The following TMEM123 variants were observed in gnomAD, a reference collection of about 807,000 sequenced individuals.
TMEM123 encodes the protein transmembrane protein 123, also known as porimin.
TMEM123 carries 16 observed loss-of-function variants against 19.7 expected under a neutral mutation model. The ratio of observed to expected loss-of-function variants is 0.81; its 90% CI spans 0.55 to 1.23. The LOEUF is 1.23. Ranked by LOEUF, TMEM123 falls within the 50% of genes most tolerant of loss-of-function variation. The pLI is 0.00. For synonymous variants in TMEM123, 118 were observed against 99.4 expected, an observed-to-expected ratio of 1.19 and a Z score of -1.12; for missense variants, 313 against 257.8, an observed-to-expected ratio of 1.21 and a Z score of -1.47.
intron 2 of TMEM123, among the ~76,000 whole-genome samples, chr11:102,423,068 G>A (rs1170643931): frequency 6.6e-6 from 1 of 152,162 alleles, no homozygotes; most frequent in Non-Finnish European, 1.5e-5. Context: ...AGCTGCTAAA[G>A]GTGTGTATTT....
intron 2 of TMEM123, among the ~76,000 whole-genome samples, chr11:102,440,851 C>T (rs954173135): frequency 1.3e-5 from 2 of 152,102 alleles, no homozygotes; most frequent in Non-Finnish European, 1.5e-5. Context: ...TGGAGAAGAT[C>T]TACCAAGCAA....
intron 4 of TMEM123, among the ~76,000 whole-genome samples, chr11:102,399,710 C>G (rs749020001): frequency 7.2e-5 from 11 of 152,216 alleles, no homozygotes; most frequent in Non-Finnish European, 1.2e-4. Context: ...TGGCTCACGC[C>G]TGTAATCCCA....
intron 2 of TMEM123, among the ~76,000 whole-genome samples, chr11:102,418,856 C>T (rs190795531): frequency 6.6e-6 from 1 of 152,166 alleles, no homozygotes; most frequent in African/African-American, 2.4e-5. Flanking sequence ...ACATCCTTTG[C>T]AGCAACACGG....
At position 102,452,578 on chromosome 11, in the gene TMEM123, TC is replaced by T; in HGVS notation, c.45del (p.Thr16ArgfsTer5). ...ARGAWAALLL[G>X]TLQVLALLGA... is the part of the protein sequence containing the mutation. ...CCCAGCAGCGCTAGCACCTGCAGCGTCCCCAGGAGCAGCGCGGCCCAAGCAC... is the reference window on the plus strand; with the variant it reads ...CCCAGCAGCGCTAGCACCTGCAGCGTCCCAGGAGCAGCGCGGCCCAAGCAC... On this transcript the variant is annotated frameshift_variant, in exon 1 of 5. Coordinates refer to ENST00000398136, the MANE Select transcript of TMEM123 (RefSeq NM_052932.3). LOFTEE classifies it high-confidence loss of function. 2 of 1,572,262 alleles carry T rather than the reference TC, an allele frequency of 1.3e-6. No homozygotes were observed. Among genetic ancestry groups the T allele is most frequent in the Non-Finnish European group, 8.6e-7 (1 of 1,163,364 alleles).
chr11:102,409,874 A>C (rs1951988701), intron 2 of TMEM123, among the ~76,000 whole-genome samples: 2 of 151,938 alleles, frequency 1.3e-5, no homozygotes, highest in Admixed American at 1.3e-4. Context: ...CAAACAAACA[A>C]ACAAACTAGA....
intron 1 of TMEM123, chr11:102,452,172 C>A: frequency 4.8e-6 from 1 of 208,064 alleles, no homozygotes; most frequent in Admixed American, 5.9e-5. Flanking sequence ...TGTTTACAAA[C>A]GGAAGCCTTA....
At chr11:102,413,960 G>A (rs1952025000) in intron 2 of TMEM123, among the ~76,000 whole-genome samples, 2 of 152,112 alleles carry the variant, frequency 1.3e-5, no homozygotes, top group South Asian at 4.1e-4. Flanking sequence ...GGAACCTAAG[G>A]AATCCAGTAA....
intron 2 of TMEM123, among the ~76,000 whole-genome samples, chr11:102,422,367 G>C (rs548964270): frequency 2.6e-5 from 4 of 152,202 alleles, no homozygotes; most frequent in African/African-American, 7.2e-5. Flanking sequence ...CCAGTTACTC[G>C]GGAGGCTGAG....
intron 2 of TMEM123, among the ~76,000 whole-genome samples, chr11:102,434,439 G>T (rs559262836): frequency 2.0e-5 from 3 of 151,632 alleles, no homozygotes; most frequent in Admixed American, 2.0e-4. Context: ...TTTTAAATTG[G>T]ATTATTTATT....
chr11:102,445,710 C>T (rs1019391176), intron 2 of TMEM123, among the ~76,000 whole-genome samples: 6 of 152,118 alleles, frequency 3.9e-5, no homozygotes, highest in Non-Finnish European at 7.4e-5. Context: ...AAGCCAGGTC[C>T]AAGTGCTCAA....
intron 2 of TMEM123, among the ~76,000 whole-genome samples, chr11:102,416,151 G>A (rs1234950926): frequency 2.6e-5 from 4 of 152,216 alleles, no homozygotes; most frequent in African/African-American, 9.7e-5. Flanking sequence ...CCGACCTCAG[G>A]TGATCCACTC....
In TMEM123 at chr11:102,418,001, G is replaced by A. The variant is rs530103863; in HGVS notation, c.158-15795C>T. 2.7e-5 allele frequency among the ~76,000 whole-genome samples: 4 copies of A among 150,836 alleles called. No individual in the cohort carries two copies. The South Asian group carries it at 8.3e-4, about 31-fold the overall frequency. ...CCATATATGAAAATCAACTCAAGAT[G>A]AATTAAAAAGACTTAAATGTAAAAC... On this transcript the variant is annotated intron_variant, in intron 2 of 4. Coordinates refer to ENST00000398136, the MANE Select transcript of TMEM123 (RefSeq NM_052932.3).
In TMEM123 at chr11:102,452,600, A is replaced by G; in HGVS notation, c.24T>C (p.Ala8=). The change falls in exon 1 of 5, where the codon GCT becomes GCC. Residue 8 remains alanine, a synonymous_variant. Transcript: ENST00000398136. Reference sequence around the variant, plus strand: ...GCGTCCCCAGGAGCAGCGCGGCCCAAGCACCTCGCGCGCCGAGTCCCATTG... The same window carrying G: ...GCGTCCCCAGGAGCAGCGCGGCCCAGGCACCTCGCGCGCCGAGTCCCATTG... The part of the protein sequence containing the change: MGLGARG[A]WAALLLGTLQ... The G allele has an allele frequency of 6.4e-7, 1 of 1,561,716 alleles. No homozygotes were observed. Among genetic ancestry groups the G allele is most frequent in the Non-Finnish European group, 8.6e-7 (1 of 1,157,136 alleles).
chr11:102,417,789 C>A (rs1362420095), intron 2 of TMEM123, among the ~76,000 whole-genome samples: 1 of 151,936 alleles, frequency 6.6e-6, no homozygotes, highest in East Asian at 1.9e-4. Context: ...GGTACAGAAA[C>A]TGATACACGG....
intron 2 of TMEM123, among the ~76,000 whole-genome samples, chr11:102,438,949 G>A (rs1030851264): frequency 6.6e-6 from 1 of 152,206 alleles, no homozygotes; most frequent in South Asian, 2.1e-4. Flanking sequence ...TATCCTGCAC[G>A]TGGCTCAGAG....
chr11:102,402,743 T>C (rs906853916), intron 2 of TMEM123, among the ~76,000 whole-genome samples: 1 of 152,220 alleles, frequency 6.6e-6, no homozygotes, highest in African/African-American at 2.4e-5. Context: ...AACTTCCCAC[T>C]ATGCATTAGG....
At chr11:102,399,970 C>CAA (rs11287064) in intron 4 of TMEM123, among the ~76,000 whole-genome samples, 1 of 147,452 alleles carries the variant, frequency 6.8e-6, no homozygotes, top group Non-Finnish European at 1.5e-5. Flanking sequence ...AACTCCATCT[C>CAA]AAAAAAAAAA....
chr11:102,419,986 T>G (rs1425015894), intron 2 of TMEM123, among the ~76,000 whole-genome samples: 1 of 152,240 alleles, frequency 6.6e-6, no homozygotes, highest in Admixed American at 6.5e-5. Context: ...TCCAGTTACA[T>G]GCTGAGGCCA....
intron 1 of TMEM123, 120 bp downstream of exon 1, chr11:102,452,404 C>T (rs1426346911): frequency 1.2e-5 from 11 of 888,350 alleles, no homozygotes; most frequent in Non-Finnish European, 1.7e-5. Flanking sequence ...TCTGGGTCCG[C>T]CCCGAGCGTT....
Sources: allele counts gnomAD v4.1 joint callset (sites outside exome capture counted in the v4.1 genomes callset), GRCh38; gene constraint gnomAD v4.1.1; transcripts MANE v1.5; gene names NCBI Gene and HGNC (gene_info 2026-07-23, HGNC 2026-07-21).